Variants in SLC37A3 observed in about 807,000 individuals in gnomAD.
SLC37A3 encodes the protein sugar phosphate exchanger 3.
In SLC37A3, 51 loss-of-function variants were observed where a neutral mutation model predicts 67.1. That is an observed-to-expected ratio of 0.76 (90% CI 0.61 to 0.96). The LOEUF is 0.96. Among genes scored for constraint, SLC37A3 ranks in the 40% least tolerant of loss-of-function variants. SLC37A3 has a pLI of 0.00. For missense variants in SLC37A3, 508 were observed against 603.0 expected (o/e 0.84, Z 1.65); for synonymous variants, 214 against 231.4 (o/e 0.92, Z 0.68).
At chr7:140,372,496 C>A (rs1265492528) in intron 3 of SLC37A3, among the ~76,000 whole-genome samples, 1 of 152,154 alleles carries the variant, frequency 6.6e-6, no homozygotes, top group Non-Finnish European at 1.5e-5. Context: ...GGTAGTAATG[C>A]CAAACAGCAC....
intron 1 of SLC37A3, among the ~76,000 whole-genome samples, chr7:140,393,686 G>A (rs1798807962): frequency 6.6e-6 from 1 of 152,054 alleles, no homozygotes; most frequent in African/African-American, 2.4e-5. Flanking sequence ...ATCTAAAATG[G>A]TCTCCCCTGG....
At chr7:140,364,800 G>C (rs754211604) in intron 4 of SLC37A3, among the ~76,000 whole-genome samples, 1 of 151,248 alleles carries the variant, frequency 6.6e-6, no homozygotes, top group Non-Finnish European at 1.5e-5. Flanking sequence ...GCAAACTTTG[G>C]TTTTACTTGA....
intron 3 of SLC37A3, among the ~76,000 whole-genome samples, chr7:140,375,209 T>C (rs1381625368): frequency 1.3e-5 from 2 of 148,354 alleles, no homozygotes; most frequent in African/African-American, 5.0e-5. Context: ...TGGCTCCTGC[T>C]TGTAATCCTA....
intron 3 of SLC37A3, among the ~76,000 whole-genome samples, chr7:140,378,475 C>T (rs1365075166): frequency 6.6e-6 from 1 of 152,128 alleles, no homozygotes; most frequent in Non-Finnish European, 1.5e-5. Flanking sequence ...CGGTGGCTCA[C>T]ACCTGTAATC....
chr7:140,374,550 C>T (rs560410342), intron 3 of SLC37A3, among the ~76,000 whole-genome samples: 2 of 150,982 alleles, frequency 1.3e-5, no homozygotes, highest in South Asian at 2.1e-4. Context: ...AGGCCGGGTG[C>T]GGTAGCTCAT....
In SLC37A3 at chr7:140,386,449, CAAT is replaced by C. The variant is rs59004511; in HGVS notation, c.-70-3856_-70-3854del. Among the ~76,000 whole-genome samples the C allele has an allele frequency of 3.7e-4, 54 of 146,504 alleles. 2 individuals carry two copies. Among genetic ancestry groups the C allele is most frequent in the East Asian group, 8.0e-4 (4 of 4,978 alleles). On this transcript the variant is annotated intron_variant, in intron 1 of 14. Transcript: ENST00000326232. ...TACGACATTTGGTCCTATGCAATTA[CAAT>C]AATAATAATAATAATAATAATAATA...
At position 140,368,346 on chromosome 7, in the gene SLC37A3, G is replaced by A. The variant is rs138565362; in HGVS notation, c.291+1244C>T. The stretch of plus-strand genomic sequence containing the variant: ...TTTGGGAGGCCGAGGCAAGCGGATC[G>A]TCTGAGGTTGGGTGTTCCAGATCAG... On this transcript the variant is annotated intron_variant, in intron 4 of 14. Transcript: ENST00000326232. Among the ~76,000 whole-genome samples, 295 of 152,178 alleles carry A rather than the reference G, an allele frequency of 1.9e-3. 5 individuals are homozygous for A. Among genetic ancestry groups the A allele is most frequent in the African/African-American group, 6.6e-3 (276 of 41,534 alleles).
intron 1 of SLC37A3, among the ~76,000 whole-genome samples, chr7:140,383,361 C>T (rs1371728436): frequency 5.3e-5 from 8 of 152,052 alleles, no homozygotes; most frequent in African/African-American, 1.9e-4. Context: ...ACCCCAGCTA[C>T]TGGAGAGGCT....
Position 140,335,121 on chromosome 7 carries a change from G to A in SLC37A3, c.*291C>T. On this transcript the variant is annotated 3_prime_UTR_variant, in exon 15 of 15. Coordinates refer to ENST00000326232, the MANE Select transcript of SLC37A3 (RefSeq NM_207113.3). Reference sequence around the variant, plus strand: ...AAGGTTAAAACGCTAAACCTCAATAGGCCAAACAAAGACGCGGGCAGAGTC... The same window carrying A: ...AAGGTTAAAACGCTAAACCTCAATAAGCCAAACAAAGACGCGGGCAGAGTC... 1 of 1,118,764 alleles carries A rather than the reference G, an allele frequency of 8.9e-7. No homozygotes were observed. The highest frequency in any genetic ancestry group is 2.7e-5 in the Admixed American group (1 of 37,374). 69.3% of individuals were successfully genotyped at this position (1,118,764 alleles called of 1,614,324 possible). A position where few individuals can be genotyped will look rare whatever the true frequency, so the allele number is the denominator to read the frequency against.
chr7:140,394,134 G>A (rs1294652079), intron 1 of SLC37A3, among the ~76,000 whole-genome samples: 1 of 152,038 alleles, frequency 6.6e-6, no homozygotes, highest in African/African-American at 2.4e-5. Flanking sequence ...TTGCACCATT[G>A]CACTCCAGCC....
intron 10 of SLC37A3, among the ~76,000 whole-genome samples, chr7:140,347,372 A>T (rs552395183): frequency 5.6e-4 from 85 of 152,368 alleles, no homozygotes; most frequent in African/African-American, 2.0e-3. Flanking sequence ...TCAAGCAACA[A>T]TGTCACATAC....
Position 140,361,280 on chromosome 7 carries a change from C to T in SLC37A3, c.376-2495G>A, listed in dbSNP as rs1797261393. On this transcript the variant is annotated intron_variant, in intron 5 of 14. Coordinates refer to ENST00000326232, the MANE Select transcript of SLC37A3 (RefSeq NM_207113.3). The stretch of plus-strand genomic sequence containing the variant: ...GGCGGATCACCTGAGGTCGGGAGTT[C>T]GAGACCAGCCTGACCAACATGGAGA... 1.3e-4 allele frequency among the ~76,000 whole-genome samples: 19 copies of T among 151,314 alleles called. 1 individual carries two copies. The South Asian group carries it at 4.0e-3, about 32-fold the overall frequency.
chr7:140,351,902 C>A (rs1174261260), intron 8 of SLC37A3, 160 bp downstream of exon 8: 1 of 763,192 alleles, frequency 1.3e-6, no homozygotes, highest in African/African-American at 1.7e-5. Context: ...GGGCTGGCTA[C>A]AATGTCGACA....
chr7:140,369,763 C>T, intron 3 of SLC37A3, 81 bp from the exon 4 acceptor site: 1 of 1,087,344 alleles, frequency 9.2e-7, no homozygotes, highest in Non-Finnish European at 1.4e-6. Context: ...TTCACAAACA[C>T]TTCCAAAGCA....
intron 4 of SLC37A3, among the ~76,000 whole-genome samples, chr7:140,367,994 A>G (rs1388625788): frequency 6.6e-6 from 1 of 151,690 alleles, no homozygotes; most frequent in Non-Finnish European, 1.5e-5. Context: ...TTGTATTTTT[A>G]TTGGAAATGG....
chr7:140,363,690 T>TTA (rs1797465878), intron 5 of SLC37A3, among the ~76,000 whole-genome samples: 1 of 30,598 alleles, frequency 3.3e-5, no homozygotes, highest in African/African-American at 9.8e-5. Context: ...GAATGATCAA[T>TTA]AAAAAAAAAA....
intron 4 of SLC37A3, among the ~76,000 whole-genome samples, chr7:140,367,846 G>A (rs1332549419): frequency 1.4e-5 from 2 of 145,566 alleles, no homozygotes; most frequent in Non-Finnish European, 3.0e-5. Context: ...TTGAGATGGA[G>A]TCTCATTTTG....
chr7:140,351,627 A>T, intron 8 of SLC37A3, 176 bp from the exon 9 acceptor site: 1 of 615,788 alleles, frequency 1.6e-6, no homozygotes, highest in Non-Finnish European at 2.8e-6. Context: ...CTATCTAAAA[A>T]TACTCAAAAG....
chr7:140,369,629 G>T lies in SLC37A3; in HGVS notation c.252C>A (p.Leu84=). The change falls in exon 4 of 15, where the codon CTC becomes CTA. Residue 84 remains leucine, a synonymous_variant. Transcript: ENST00000326232. ...AGAGGAAAATGGTATCCAGTGTGCC[G>T]AGGAAAAGAGTCGCTTTCTCTGCAC... ...FPSAEKATLF[L]GTLDTIFLFS... is the part of the protein sequence containing the mutation. 1 of 1,613,962 alleles carries T rather than the reference G, an allele frequency of 6.2e-7. No individual in the cohort carries two copies. Among genetic ancestry groups the T allele is most frequent in the African/African-American group, 1.3e-5 (1 of 75,024 alleles).
Sources: allele counts gnomAD v4.1 joint callset (sites outside exome capture counted in the v4.1 genomes callset), GRCh38; gene constraint gnomAD v4.1.1; transcripts MANE v1.5; gene names NCBI Gene and HGNC (gene_info 2026-07-23, HGNC 2026-07-21).